TLK1: variants seen among roughly 807,000 people sequenced by gnomAD.
The protein encoded by TLK1 is serine/threonine-protein kinase tousled-like 1.
Under a neutral mutation model 105.3 loss-of-function variants are expected in TLK1, and 24 were observed. That is an observed-to-expected ratio of 0.23 (90% CI 0.17 to 0.32). TLK1 has a LOEUF of 0.32. Among genes scored for constraint, TLK1 ranks in the 10% least tolerant of loss-of-function variants. The pLI is 1.00. For synonymous variants in TLK1, 321 were observed against 310.4 expected, an observed-to-expected ratio of 1.03 and a Z score of -0.36; for missense variants, 558 against 910.5, an observed-to-expected ratio of 0.61 and a Z score of 4.98.
chr2:171,192,122 G>A (rs73017286), intron 1 of TLK1, among the ~76,000 whole-genome samples: 4 of 151,928 alleles, frequency 2.6e-5, no homozygotes, highest in East Asian at 1.9e-4. Flanking sequence ...TTGACCTCCC[G>A]GGCCCAGGTG....
intron 3 of TLK1, among the ~76,000 whole-genome samples, chr2:171,065,567 T>C (rs1055685725): frequency 6.6e-6 from 1 of 150,600 alleles, no homozygotes; most frequent in African/African-American, 2.4e-5. Flanking sequence ...AGACGGAGTC[T>C]CGCTCTGTCG....
intron 18 of TLK1, among the ~76,000 whole-genome samples, chr2:170,999,320 C>T (rs954992883): frequency 5.3e-5 from 8 of 152,112 alleles, no homozygotes; most frequent in Non-Finnish European, 7.4e-5. Flanking sequence ...ATGAAACTTC[C>T]GTGAAGTAAA....
chr2:171,187,049 C>A (rs1693037983), intron 1 of TLK1, among the ~76,000 whole-genome samples: 1 of 89,948 alleles, frequency 1.1e-5, no homozygotes, highest in Non-Finnish European at 1.9e-5. Flanking sequence ...CAGGGTGAGA[C>A]TCTGTCTCAA....
intron 1 of TLK1, among the ~76,000 whole-genome samples, chr2:171,222,851 G>A (rs1693833290): frequency 6.6e-6 from 1 of 152,000 alleles, no homozygotes; most frequent in Non-Finnish European, 1.5e-5. Flanking sequence ...GTCTCGCTCT[G>A]TCGCCCAGGC....
chr2:171,090,636 A>G (rs1162899655), intron 2 of TLK1, among the ~76,000 whole-genome samples: 2 of 152,226 alleles, frequency 1.3e-5, no homozygotes, highest in African/African-American at 4.8e-5. Context: ...ATGTATTTAA[A>G]AAGGTTAAAT....
chr2:171,078,425 C>T (rs954345397), intron 3 of TLK1, among the ~76,000 whole-genome samples: 4 of 152,084 alleles, frequency 2.6e-5, no homozygotes, highest in African/African-American at 9.7e-5. Flanking sequence ...GTAGTCTCAG[C>T]TACTTGGGAG....
intron 1 of TLK1, among the ~76,000 whole-genome samples, chr2:171,134,371 T>A (rs1400873190): frequency 2.6e-5 from 4 of 152,152 alleles, no homozygotes; most frequent in Admixed American, 2.0e-4. Context: ...GATTAAATTA[T>A]GTTAATTTCT....
rs538882628 is a variant in TLK1 at position 171,053,739 on chromosome 2, C to T, written c.732+22G>A. 101 of 1,513,350 alleles carry T rather than the reference C, an allele frequency of 6.7e-5. No homozygotes were observed. The South Asian group carries it at 7.2e-4, about 11-fold the overall frequency. The allele number at this position is 1,513,350 out of a possible 1,614,324, so 93.7% of individuals were successfully genotyped here. A position where few individuals can be genotyped will look rare whatever the true frequency, so the allele number is the denominator to read the frequency against. On this transcript the variant is annotated intron_variant, in intron 8 of 20. Transcript: ENST00000431350. Reference sequence around the variant, plus strand: ...CCAAATAATTTATTCAATTTTTTTCCCCTCTATGACTCATTACTTACCCTG... The same window carrying T: ...CCAAATAATTTATTCAATTTTTTTCTCCTCTATGACTCATTACTTACCCTG...
At chr2:171,100,094 G>A (rs1484389029) in intron 2 of TLK1, among the ~76,000 whole-genome samples, 1 of 152,130 alleles carries the variant, frequency 6.6e-6, no homozygotes, top group Non-Finnish European at 1.5e-5. Context: ...ATGGGAAAAG[G>A]ATTTTAACAA....
intron 1 of TLK1, among the ~76,000 whole-genome samples, chr2:171,172,666 C>T (rs1439731243): frequency 6.6e-6 from 1 of 152,042 alleles, no homozygotes; most frequent in African/African-American, 2.4e-5. Context: ...GCCACCTTCC[C>T]CCATTTCTCT....
chr2:171,225,267 A>G (rs1055668643), intron 1 of TLK1, among the ~76,000 whole-genome samples: 2 of 152,322 alleles, frequency 1.3e-5, no homozygotes, highest in Non-Finnish European at 2.9e-5. Flanking sequence ...AGAATATATA[A>G]TAACTCTTAC....
intron 12 of TLK1, among the ~76,000 whole-genome samples, chr2:171,019,638 AG>A (rs1685385945): frequency 6.6e-6 from 1 of 152,220 alleles, no homozygotes. Context: ...AAGATAAAAC[AG>A]GAAGTATTTT....
intron 11 of TLK1, among the ~76,000 whole-genome samples, chr2:171,038,509 C>T (rs988628948): frequency 6.6e-6 from 1 of 152,138 alleles, no homozygotes; most frequent in Non-Finnish European, 1.5e-5. Context: ...TTATGTAGCA[C>T]TTTCACTAAC....
chr2:171,130,919 T>A (rs1399193427), intron 1 of TLK1, among the ~76,000 whole-genome samples: 1 of 152,046 alleles, frequency 6.6e-6, no homozygotes, highest in Non-Finnish European at 1.5e-5. Flanking sequence ...TAATCCACAT[T>A]AAGGTCATAA....
intron 3 of TLK1, among the ~76,000 whole-genome samples, chr2:171,070,132 T>C (rs1688184229): frequency 6.6e-6 from 1 of 152,166 alleles, no homozygotes; most frequent in South Asian, 2.1e-4. Context: ...ATAGGCCATT[T>C]TTCTCTTCCA....
At chr2:171,191,033 G>A (rs992867723) in intron 1 of TLK1, among the ~76,000 whole-genome samples, 6 of 151,606 alleles carry the variant, frequency 4.0e-5, no homozygotes, top group African/African-American at 1.5e-4. Context: ...TGGTGGTGCG[G>A]GCCTATAATT....
At chr2:171,005,015 G>A (rs990543629) in intron 18 of TLK1, among the ~76,000 whole-genome samples, 11 of 152,344 alleles carry the variant, frequency 7.2e-5, no homozygotes, top group South Asian at 6.2e-4. Context: ...TATACAGACA[G>A]TGGCATCGTG....
chr2:171,139,343 A>C (rs1691473710), intron 1 of TLK1, among the ~76,000 whole-genome samples: 1 of 152,234 alleles, frequency 6.6e-6, no homozygotes, highest in Non-Finnish European at 1.5e-5. Flanking sequence ...CACGCCTGTA[A>C]TCCCAGCACT....
Position 171,006,962 on chromosome 2 carries a change from T to G in TLK1, c.1508+10A>C. The G allele has an allele frequency of 6.2e-7, 1 of 1,606,412 alleles. No individual in the cohort carries two copies. Among genetic ancestry groups the G allele is most frequent in the Non-Finnish European group, 8.5e-7 (1 of 1,177,176 alleles). Reference sequence around the variant, plus strand: ...TCAATTTTAAAAAACCATAAAGTATTAGTATTTACTTGTGGTAGTTTTCTT... The same window carrying G: ...TCAATTTTAAAAAACCATAAAGTATGAGTATTTACTTGTGGTAGTTTTCTT... On this transcript the variant is annotated intron_variant, in intron 15 of 20. Coordinates refer to ENST00000431350, the MANE Select transcript of TLK1 (RefSeq NM_012290.5).
Sources: gnomAD v4.1 joint callset for allele counts (sites outside exome capture counted in the v4.1 genomes callset) on GRCh38, gnomAD v4.1.1 for gene constraint, MANE v1.5 for transcripts, NCBI Gene and HGNC (gene_info 2026-07-23, HGNC 2026-07-21) for gene names.